Variants in RNF216 observed in about 807,000 individuals in gnomAD.
RNF216 encodes E3 ubiquitin-protein ligase RNF216.
A neutral mutation model predicts 110.8 loss-of-function variants in RNF216; 72 were observed. The observed-to-expected ratio is 0.65, with a 90% CI of 0.54 to 0.79. The LOEUF (loss-of-function observed/expected upper bound fraction) is 0.79, where lower values mean the gene tolerates loss of function less well. Among genes scored for constraint, RNF216 ranks in the 30% least tolerant of loss-of-function variants. The pLI, the probability that RNF216 is intolerant of heterozygous loss-of-function variation, is 0.00. For synonymous variants in RNF216, 495 were observed against 407.5 expected, an observed-to-expected ratio of 1.21 and a Z score of -2.59; for missense variants, 1,342 against 1,141.2, an observed-to-expected ratio of 1.18 and a Z score of -2.54.
chr7:5,640,612 G>C (rs1219555442), intron 15 of RNF216, among the ~76,000 whole-genome samples: 4 of 152,128 alleles, frequency 2.6e-5, no homozygotes, highest in Non-Finnish European at 4.4e-5. Flanking sequence ...TATTTGATTT[G>C]ATTTCTTAAA....
chr7:5,649,299 G>A (rs970543256), intron 14 of RNF216, among the ~76,000 whole-genome samples: 2 of 152,030 alleles, frequency 1.3e-5, no homozygotes, highest in Non-Finnish European at 2.9e-5. Flanking sequence ...GGCTGAGGCA[G>A]TAGAGTCGCT....
At chr7:5,713,867 C>T (rs1284697851) in intron 11 of RNF216, among the ~76,000 whole-genome samples, 1 of 152,202 alleles carries the variant, frequency 6.6e-6, no homozygotes, top group Non-Finnish European at 1.5e-5. Flanking sequence ...TGATTATTTC[C>T]ATTTTACAGA....
intron 13 of RNF216, among the ~76,000 whole-genome samples, chr7:5,700,166 G>C (rs1197428190): frequency 6.6e-6 from 1 of 152,064 alleles, no homozygotes; most frequent in Non-Finnish European, 1.5e-5. Context: ...CTTCTACCTG[G>C]AAGGCTGGAA....
chr7:5,769,767 T>C (rs1796396851), intron 1 of RNF216, among the ~76,000 whole-genome samples: 1 of 151,208 alleles, frequency 6.6e-6, no homozygotes, highest in African/African-American at 2.4e-5. Flanking sequence ...CCAGGCGTGG[T>C]GACTCACGCC....
Position 5,741,217 on chromosome 7 carries a change from T to G in RNF216, c.800A>C (p.His267Pro). The change falls in exon 4 of 17, where the codon CAT becomes CCT. Residue 267 changes from histidine to proline, a missense_variant. By Grantham distance (77) the His-to-Pro change is moderately conservative (BLOSUM62 -2). Transcript: ENST00000389902. ...EAELGRLLFQ[H>P]EFPGPAFPRP... ...TGGAAAAGCGGGCCCTGGGAATTCA[T>G]GCTGAAACAACAAGCGGCCCAGTTC... is the stretch of plus-strand genomic sequence containing the variant. 1 of 1,614,166 alleles carries G rather than the reference T, an allele frequency of 6.2e-7. No homozygotes were observed. The highest frequency in any genetic ancestry group is 8.5e-7 in the Non-Finnish European group (1 of 1,180,040).
chr7:5,675,334 G>T (rs1260425166), intron 13 of RNF216, among the ~76,000 whole-genome samples: 1 of 152,180 alleles, frequency 6.6e-6, no homozygotes, highest in Non-Finnish European at 1.5e-5. Context: ...ATATCCCAGG[G>T]GACAGGGGAG....
chr7:5,620,292 GA>G lies in RNF216; in HGVS notation c.*2567del, dbSNP rs1786274347. 6.6e-6 allele frequency: 1 copy of G among 152,220 alleles called. No homozygotes were observed. The highest frequency in any genetic ancestry group is 2.1e-4 in the South Asian group (1 of 4,834). 9.4% of individuals were successfully genotyped at this position (152,220 alleles called of 1,614,324 possible). ...CTCTCTCCAGTTTTAAGGCAAGTAA[GA>G]GGGGGCTGTGGCTGGGGAGCCTCAC... On this transcript the variant is annotated 3_prime_UTR_variant, in exon 17 of 17. Transcript: ENST00000389902.
intron 1 of RNF216, among the ~76,000 whole-genome samples, chr7:5,773,049 G>A (rs1796581709): frequency 1.3e-5 from 2 of 151,972 alleles, no homozygotes; most frequent in Non-Finnish European, 2.9e-5. Context: ...CACAGTGGTG[G>A]GATTACAGGC....
At chr7:5,760,633 G>T (rs913423150) in intron 2 of RNF216, 9 of 307,576 alleles carry the variant, frequency 2.9e-5, no homozygotes, top group African/African-American at 2.0e-4. Flanking sequence ...ATCATGGGAA[G>T]ACAAGACTGG....
At chr7:5,764,793 G>A (rs1308209915) in intron 1 of RNF216, among the ~76,000 whole-genome samples, 1 of 152,096 alleles carries the variant, frequency 6.6e-6, no homozygotes, top group Non-Finnish European at 1.5e-5. Context: ...GCGGCTGGGT[G>A]CAGTGGCTCA....
intron 13 of RNF216, among the ~76,000 whole-genome samples, chr7:5,661,476 AG>A (rs1465857295): frequency 6.6e-6 from 1 of 152,212 alleles, no homozygotes; most frequent in Non-Finnish European, 1.5e-5. Flanking sequence ...GCAACTCTAC[AG>A]GGAAGTACTG....
intron 13 of RNF216, 48 bp downstream of exon 13, chr7:5,711,713 A>G (rs367661416): frequency 1.1e-5 from 16 of 1,508,076 alleles, no homozygotes; most frequent in Non-Finnish European, 9.1e-7. Context: ...AGGGCAGCCC[A>G]TAATACCATA....
At position 5,633,905 on chromosome 7, in the gene RNF216, T is replaced by C. The variant is rs538736689; in HGVS notation, c.2382+7249A>G. On this transcript the variant is annotated intron_variant, in intron 15 of 16. Coordinates refer to ENST00000389902, the MANE Select transcript of RNF216 (RefSeq NM_207111.4). ...CATACACAAACATCCTCCCTTAGCT[T>C]GTCCCTCCACAAATATGCCCCACAG... Among the ~76,000 whole-genome samples the C allele has an allele frequency of 2.1e-3, 321 of 152,294 alleles. 2 individuals are homozygous for C. The highest frequency in any genetic ancestry group is 1.1e-3 in the Non-Finnish European group (77 of 68,024).
chr7:5,740,580 A>G (rs767058307), intron 4 of RNF216, among the ~76,000 whole-genome samples: 14 of 152,218 alleles, frequency 9.2e-5, no homozygotes, highest in South Asian at 4.1e-4. Flanking sequence ...TAACTGTAAG[A>G]CATTTAAATG....
chr7:5,737,495 G>C (rs987684126), intron 5 of RNF216, among the ~76,000 whole-genome samples: 7 of 149,386 alleles, frequency 4.7e-5, no homozygotes, highest in African/African-American at 1.7e-4. Context: ...CCCCCTCTGC[G>C]AGAAACAACC....
chr7:5,727,969 T>C (rs6974201), intron 7 of RNF216, among the ~76,000 whole-genome samples: 3,694 of 152,062 alleles, frequency 0.024, 143 homozygotes, highest in African/African-American at 0.084. Context: ...ATCTACAGTC[T>C]GTATTTTCCA....
chr7:5,638,701 G>T (rs1267651570), intron 15 of RNF216, among the ~76,000 whole-genome samples: 1 of 149,250 alleles, frequency 6.7e-6, no homozygotes, highest in Non-Finnish European at 1.5e-5. Flanking sequence ...GCAGTGGCAA[G>T]AACATGGCTC....
At chr7:5,674,977 A>G (rs1421989938) in intron 13 of RNF216, among the ~76,000 whole-genome samples, 2 of 152,200 alleles carry the variant, frequency 1.3e-5, no homozygotes, top group Non-Finnish European at 2.9e-5. Context: ...AGCCTGGGCG[A>G]CAGAGAGAGA....
intron 13 of RNF216, among the ~76,000 whole-genome samples, chr7:5,701,267 T>C (rs1562405611): frequency 6.6e-6 from 1 of 152,204 alleles, no homozygotes; most frequent in Admixed American, 6.5e-5. Context: ...GGCAGAACAC[T>C]GGGGAGCTGG....
Sources: gnomAD v4.1 joint callset for allele counts (sites outside exome capture counted in the v4.1 genomes callset) on GRCh38, gnomAD v4.1.1 for gene constraint, MANE v1.5 for transcripts, NCBI Gene and HGNC (gene_info 2026-07-23, HGNC 2026-07-21) for gene names.